ADAMTS12: variants seen among roughly 807,000 people sequenced by gnomAD.
ADAMTS12 encodes the protein ADAM metallopeptidase with thrombospondin type 1 motif 12, also known as A disintegrin and metalloproteinase with thrombospondin motifs 12.
Under a neutral mutation model 167.8 loss-of-function variants are expected in ADAMTS12, and 118 were observed. That is an observed-to-expected ratio of 0.70 (90% CI 0.61 to 0.82). The LOEUF (loss-of-function observed/expected upper bound fraction) is 0.82, where lower values mean the gene tolerates loss of function less well. Among genes scored for constraint, ADAMTS12 ranks in the 40% least tolerant of loss-of-function variants. The pLI is 0.00. For synonymous variants in ADAMTS12, 704 were observed against 716.9 expected, an observed-to-expected ratio of 0.98 and a Z score of 0.29; for missense variants, 1,916 against 1,998.8, an observed-to-expected ratio of 0.96 and a Z score of 0.79.
chr5:33,833,623 A>G (rs1748391144), intron 2 of ADAMTS12, among the ~76,000 whole-genome samples: 1 of 152,210 alleles, frequency 6.6e-6, no homozygotes, highest in Non-Finnish European at 1.5e-5. Flanking sequence ...TACAATGGAG[A>G]GTAGATTCAA....
At chr5:33,797,763 A>G (rs571761886) in intron 2 of ADAMTS12, among the ~76,000 whole-genome samples, 5 of 152,360 alleles carry the variant, frequency 3.3e-5, no homozygotes, top group Admixed American at 6.5e-5. Context: ...CTTAAAAAAA[A>G]GTTACTATGA....
rs189795188 is a variant in ADAMTS12, at chr5:33,891,506, G to A, written c.127+224C>T. On this transcript the variant is annotated intron_variant, in intron 1 of 23. Coordinates refer to ENST00000504830, the MANE Select transcript of ADAMTS12 (RefSeq NM_030955.4). ...ACTGCAGTGTCATCCCTGTAAAAGA[G>A]TGAGGTACTCACCTTTCTATAAGAA... 3.1e-4 allele frequency: 183 copies of A among 589,110 alleles called. 3 individuals are homozygous for A. The East Asian group carries it at 4.8e-3, about 15-fold the overall frequency. 36.5% of individuals were successfully genotyped at this position (589,110 alleles called of 1,614,324 possible). A position where few individuals can be genotyped will look rare whatever the true frequency, so the allele number is the denominator to read the frequency against.
At chr5:33,667,916 T>C (rs1330302647) in intron 5 of ADAMTS12, among the ~76,000 whole-genome samples, 1 of 152,186 alleles carries the variant, frequency 6.6e-6, no homozygotes, top group South Asian at 2.1e-4. Context: ...TGAAAGACTT[T>C]CCTCAATTAA....
intron 2 of ADAMTS12, among the ~76,000 whole-genome samples, chr5:33,757,354 G>T (rs1019050908): frequency 1.3e-5 from 2 of 152,200 alleles, no homozygotes; most frequent in African/African-American, 4.8e-5. Flanking sequence ...AAATGTAACA[G>T]GATAAGGGCT....
At position 33,643,427 on chromosome 5, in the gene ADAMTS12, C is replaced by G; in HGVS notation, c.1523G>C (p.Arg508Pro). The G allele has an allele frequency of 6.2e-7, 1 of 1,614,120 alleles. No homozygotes were observed. Among genetic ancestry groups the G allele is most frequent in the Non-Finnish European group, 8.5e-7 (1 of 1,179,980 alleles). Residue 508 changes from arginine to proline, a missense_variant, in exon 10 of 24, where the codon CGC becomes CCC. Transcript: ENST00000504830. ...TLWCSVKGFC[R>P]SKLDAAADGT... ...ATCTGCAGCAGCGTCCAGCTTAGAG[C>G]GACAAAAGCCCTTCACGGAGCACCA... is the stretch of plus-strand genomic sequence containing the variant.
At chr5:33,654,874 T>TG (rs1740990646) in intron 7 of ADAMTS12, among the ~76,000 whole-genome samples, 8 of 141,568 alleles carry the variant, frequency 5.7e-5, no homozygotes, top group African/African-American at 1.9e-4. Context: ...GTGGGTGATT[T>TG]TGTGTGTGTG....
Position 33,661,847 on chromosome 5 carries a change from T to C in ADAMTS12, c.1040+69A>G, listed in dbSNP as rs1259418549. ...TGAGAATGTCATGGGTTTGAACACC[T>C]GGTAAGCCTTTCACCTGCCATCCCT... On this transcript the variant is annotated intron_variant, in intron 6 of 23. Transcript: ENST00000504830. The C allele has an allele frequency of 3.1e-6, 5 of 1,598,998 alleles. No individual in the cohort carries two copies. The Admixed American group carries it at 8.4e-5, about 27-fold the overall frequency.
At chr5:33,562,192 G>C (rs1346220400) in intron 19 of ADAMTS12, among the ~76,000 whole-genome samples, 1 of 152,174 alleles carries the variant, frequency 6.6e-6, no homozygotes, top group Non-Finnish European at 1.5e-5. Context: ...TGCTGATGCT[G>C]TTGGTCCTCA....
At chr5:33,650,099 C>T (rs1272534731) in intron 7 of ADAMTS12, among the ~76,000 whole-genome samples, 2 of 152,190 alleles carry the variant, frequency 1.3e-5, no homozygotes. Context: ...TCTCCCTTTT[C>T]ATCAGAATTT....
intron 16 of ADAMTS12, among the ~76,000 whole-genome samples, chr5:33,608,239 C>G (rs1738542714): frequency 6.6e-6 from 1 of 152,172 alleles, no homozygotes; most frequent in Non-Finnish European, 1.5e-5. Context: ...AGCACAGAAC[C>G]TGTCATCCAG....
chr5:33,825,844 T>C (rs1326795686), intron 2 of ADAMTS12, among the ~76,000 whole-genome samples: 1 of 152,184 alleles, frequency 6.6e-6, no homozygotes, highest in Non-Finnish European at 1.5e-5. Flanking sequence ...CGTGGAGACC[T>C]TGCTAGCAGT....
chr5:33,881,076 A>G (rs1750418423), intron 2 of ADAMTS12, 43 bp downstream of exon 2: 1 of 1,591,728 alleles, frequency 6.3e-7, no homozygotes, highest in Non-Finnish European at 8.5e-7. Flanking sequence ...CTGAGACTCT[A>G]GGGGCCAGGG....
chr5:33,558,258 G>GA (rs1745575282), intron 20 of ADAMTS12, among the ~76,000 whole-genome samples: 1 of 151,856 alleles, frequency 6.6e-6, no homozygotes, highest in African/African-American at 2.4e-5. Flanking sequence ...ATAGTGGTCA[G>GA]AAAAAACAAA....
Position 33,641,827 on chromosome 5 carries a change from C to A in ADAMTS12, c.1701G>T (p.Arg567Ser), listed in dbSNP as rs769686665. The A allele has an allele frequency of 2.5e-6, 4 of 1,610,342 alleles. No homozygotes were observed. The highest frequency in any genetic ancestry group is 1.7e-5 in the Admixed American group (1 of 59,828). ...TCGAGVQSAE[R>S]LCNNPEPKFG... is the part of the protein sequence containing the mutation. ...GGACTCACTCGGGGTTGTTGCAGAG[C>A]CTCTCTGCGCTCTGGACTCCAGCCC... Residue 567 changes from arginine to serine, a missense_variant, in exon 11 of 24, where the codon AGG becomes AGT. Coordinates refer to ENST00000504830, the MANE Select transcript of ADAMTS12 (RefSeq NM_030955.4).
intron 2 of ADAMTS12, among the ~76,000 whole-genome samples, chr5:33,871,580 T>A (rs182307979): frequency 2.0e-4 from 30 of 150,676 alleles, no homozygotes; most frequent in African/African-American, 7.3e-4. Flanking sequence ...CCACCTTAGG[T>A]AACTAGAAAA....
In ADAMTS12 at chr5:33,757,708, T is replaced by C. The variant is rs564932532; in HGVS notation, c.490-6160A>G. ...ATCAAAAACGTATGATATGGTTGAATAGAAACAGCATGAGCTGTGTGATCT... is the reference window on the plus strand; with the variant it reads ...ATCAAAAACGTATGATATGGTTGAACAGAAACAGCATGAGCTGTGTGATCT... On this transcript the variant is annotated intron_variant, in intron 2 of 23. Coordinates refer to ENST00000504830, the MANE Select transcript of ADAMTS12 (RefSeq NM_030955.4). 2.6e-5 allele frequency among the ~76,000 whole-genome samples: 4 copies of C among 152,346 alleles called. No individual in the cohort carries two copies. In the East Asian group the frequency reaches 5.8e-4, roughly 22 times the overall value.
intron 5 of ADAMTS12, among the ~76,000 whole-genome samples, chr5:33,672,082 TACACACACATCC>T (rs1741721648): frequency 9.1e-5 from 1 of 11,016 alleles, no homozygotes; most frequent in Non-Finnish European, 8.9e-4. Flanking sequence ...CCCACATACA[TACACACACATCC>T]ACACTCACAT....
chr5:33,588,468 A>C (rs1747467623), intron 18 of ADAMTS12, 131 bp downstream of exon 18: 2 of 1,047,218 alleles, frequency 1.9e-6, no homozygotes, highest in Non-Finnish European at 3.0e-6. Context: ...GGCAGGAGAC[A>C]GGCCAGGGGT....
chr5:33,868,545 A>G lies in ADAMTS12; in HGVS notation c.489+12574T>C, dbSNP rs554938313. Among the ~76,000 whole-genome samples the G allele has an allele frequency of 2.0e-5, 3 of 152,322 alleles. No individual in the cohort carries two copies. The East Asian group carries it at 5.8e-4, about 29-fold the overall frequency. On this transcript the variant is annotated intron_variant, in intron 2 of 23. Transcript: ENST00000504830. ...TGCTCCTGCCCTAGAGATCTATGGGACTTTGAACTTGAGAGTAATGATTTA... is the reference window on the plus strand; with the variant it reads ...TGCTCCTGCCCTAGAGATCTATGGGGCTTTGAACTTGAGAGTAATGATTTA...
Sources: gnomAD v4.1 joint callset for allele counts (sites outside exome capture counted in the v4.1 genomes callset) on GRCh38, gnomAD v4.1.1 for gene constraint, MANE v1.5 for transcripts, NCBI Gene and HGNC (gene_info 2026-07-23, HGNC 2026-07-21) for gene names.